The following CAMKMT variants were observed in gnomAD, a reference collection of about 807,000 sequenced individuals.
CAMKMT encodes CaM KMT.
Under a neutral mutation model 48.0 loss-of-function variants are expected in CAMKMT, and 53 were observed. The ratio of observed to expected loss-of-function variants is 1.10; its 90% confidence interval spans 0.89 to 1.39. The LOEUF is 1.39. Among genes scored for constraint, CAMKMT ranks in the 40% most tolerant of loss-of-function variants. CAMKMT has a pLI of 0.00. For synonymous variants in CAMKMT, 165 were observed against 152.3 expected (o/e 1.08, Z -0.61); for missense variants, 428 against 402.7 (o/e 1.06, Z -0.54).
At chr2:44,398,419 C>T (rs1444299322) in intron 3 of CAMKMT, among the ~76,000 whole-genome samples, 2 of 152,062 alleles carry the variant, frequency 1.3e-5, no homozygotes, top group African/African-American at 4.8e-5. Context: ...AATGGGCTCT[C>T]CAGGGTTTCT....
chr2:44,669,205 T>C (rs1675185607), intron 3 of CAMKMT, among the ~76,000 whole-genome samples: 1 of 152,268 alleles, frequency 6.6e-6, no homozygotes, highest in Admixed American at 6.5e-5. Context: ...TTATATATTC[T>C]TCTGTGAATT....
At chr2:44,391,908 TACTC>T (rs1681379930) in intron 3 of CAMKMT, 1 of 152,738 alleles carries the variant, frequency 6.5e-6, no homozygotes, top group African/African-American at 2.4e-5. Flanking sequence ...TTTGGAATGA[TACTC>T]ACCTGCATTT....
chr2:44,506,890 C>G (rs902067407), intron 3 of CAMKMT, among the ~76,000 whole-genome samples: 1 of 151,990 alleles, frequency 6.6e-6, no homozygotes, highest in Non-Finnish European at 1.5e-5. Context: ...TTATGCTGAT[C>G]AAAAAATCTT....
At chr2:44,583,463 T>C (rs1047703982) in intron 3 of CAMKMT, among the ~76,000 whole-genome samples, 1 of 152,174 alleles carries the variant, frequency 6.6e-6, no homozygotes, top group Non-Finnish European at 1.5e-5. Context: ...CAGGGACCTT[T>C]AAAAATCAAC....
At chr2:44,478,407 T>C (rs1048736881) in intron 3 of CAMKMT, among the ~76,000 whole-genome samples, 1 of 152,200 alleles carries the variant, frequency 6.6e-6, no homozygotes, top group Non-Finnish European at 1.5e-5. Flanking sequence ...GTGGATAATA[T>C]TTTTTATTTT....
At chr2:44,623,137 A>G (rs760977796) in intron 3 of CAMKMT, among the ~76,000 whole-genome samples, 2 of 152,150 alleles carry the variant, frequency 1.3e-5, no homozygotes, top group Non-Finnish European at 2.9e-5. Context: ...TCTTTTGAGA[A>G]GTGTCTGTTC....
chr2:44,374,855 C>G (rs1333743912), intron 2 of CAMKMT, among the ~76,000 whole-genome samples: 1 of 151,984 alleles, frequency 6.6e-6, no homozygotes, highest in African/African-American at 2.4e-5. Context: ...TAGTTAGTAT[C>G]TGTCCACATT....
At chr2:44,748,305 T>C (rs974938513) in intron 8 of CAMKMT, among the ~76,000 whole-genome samples, 2 of 152,186 alleles carry the variant, frequency 1.3e-5, no homozygotes, top group African/African-American at 4.8e-5. Flanking sequence ...TGTTAAGCTG[T>C]GATGTTAACA....
rs370661034 is a variant in CAMKMT, at chr2:44,625,415, A to C, written c.377-78868A>C. 2.2e-4 allele frequency among the ~76,000 whole-genome samples: 34 copies of C among 152,270 alleles called. No individual in the cohort carries two copies. In the South Asian group the frequency reaches 7.0e-3, roughly 32 times the overall value. On this transcript the variant is annotated intron_variant, in intron 3 of 10. Coordinates refer to ENST00000378494, the MANE Select transcript of CAMKMT (RefSeq NM_024766.5). Reference sequence around the variant, plus strand: ...ATTTAATAAATACATATATTTAACAAATCAGTTGTTAAATGTAAGTATTGC... The same window carrying C: ...ATTTAATAAATACATATATTTAACACATCAGTTGTTAAATGTAAGTATTGC...
intron 3 of CAMKMT, among the ~76,000 whole-genome samples, chr2:44,466,508 C>T (rs7564087): frequency 0.54 from 82,337 of 151,784 alleles, 23,100 homozygotes; most frequent in Middle Eastern, 0.63. Flanking sequence ...TTAAAACTTA[C>T]GGAATGCAGC....
At chr2:44,396,717 T>G (rs1558575483) in intron 3 of CAMKMT, among the ~76,000 whole-genome samples, 1 of 149,980 alleles carries the variant, frequency 6.7e-6, no homozygotes, top group Admixed American at 6.6e-5. Flanking sequence ...AATATCCATA[T>G]CTTTCAACTA....
intron 3 of CAMKMT, among the ~76,000 whole-genome samples, chr2:44,647,907 CAAAAA>C (rs756753917): frequency 6.8e-5 from 2 of 29,518 alleles, no homozygotes; most frequent in African/African-American, 2.4e-4. Flanking sequence ...GACTCCGTCT[CAAAAA>C]AAAAAAAAAA....
intron 3 of CAMKMT, among the ~76,000 whole-genome samples, chr2:44,503,684 C>T (rs930530974): frequency 3.9e-5 from 6 of 152,086 alleles, no homozygotes; most frequent in African/African-American, 1.2e-4. Context: ...CACGTGAAGT[C>T]TGTCCAAACC....
intron 3 of CAMKMT, among the ~76,000 whole-genome samples, chr2:44,534,068 C>A (rs1282751807): frequency 6.6e-6 from 1 of 151,946 alleles, no homozygotes; most frequent in Non-Finnish European, 1.5e-5. Flanking sequence ...CAAAAGCAAG[C>A]AAGAATAGCT....
intron 3 of CAMKMT, among the ~76,000 whole-genome samples, chr2:44,591,832 G>T (rs1408452285): frequency 6.6e-6 from 1 of 151,996 alleles, no homozygotes; most frequent in Non-Finnish European, 1.5e-5. Context: ...AACAGTGATA[G>T]ACTGGATTAA....
At chr2:44,531,120 T>C (rs916517175) in intron 3 of CAMKMT, among the ~76,000 whole-genome samples, 1 of 152,120 alleles carries the variant, frequency 6.6e-6, no homozygotes, top group Non-Finnish European at 1.5e-5. Flanking sequence ...CTTCCCTTCC[T>C]GGATTATACT....
intron 3 of CAMKMT, among the ~76,000 whole-genome samples, chr2:44,607,128 G>C (rs1032205613): frequency 6.6e-6 from 1 of 152,190 alleles, no homozygotes; most frequent in Non-Finnish European, 1.5e-5. Context: ...ATTCTGTGCA[G>C]ACAGGCTGCA....
intron 3 of CAMKMT, among the ~76,000 whole-genome samples, chr2:44,622,264 T>G (rs1258863473): frequency 1.3e-5 from 2 of 152,232 alleles, no homozygotes; most frequent in Non-Finnish European, 2.9e-5. Context: ...CTTTTTAGCT[T>G]TTAAAAAATC....
intron 2 of CAMKMT, among the ~76,000 whole-genome samples, chr2:44,375,469 A>C (rs934804117): frequency 6.6e-6 from 1 of 152,074 alleles, no homozygotes; most frequent in Admixed American, 6.5e-5. Flanking sequence ...AAATAAGGAA[A>C]GTTAACTATT....
Sources: gnomAD v4.1 joint callset for allele counts (sites outside exome capture counted in the v4.1 genomes callset) on GRCh38, gnomAD v4.1.1 for gene constraint, MANE v1.5 for transcripts, NCBI Gene and HGNC (gene_info 2026-07-23, HGNC 2026-07-21) for gene names.